Variants in DAAM2 observed in about 807,000 individuals in gnomAD.
The protein encoded by DAAM2 is dishevelled associated activator of morphogenesis 2, also known as disheveled-associated activator of morphogenesis 2.
A neutral mutation model predicts 120.7 loss-of-function variants in DAAM2; 39 were observed. The ratio of observed to expected loss-of-function variants is 0.32; its 90% CI spans 0.25 to 0.42. The LOEUF (loss-of-function observed/expected upper bound fraction) is 0.42, where lower values mean the gene tolerates loss of function less well. DAAM2 is among the 10% of genes least tolerant of loss of function. The pLI, the probability that DAAM2 is intolerant of heterozygous loss-of-function variation, is 1.00. For synonymous variants in DAAM2, 488 were observed against 524.9 expected (o/e 0.93, Z 0.96); for missense variants, 1,283 against 1,401.7 (o/e 0.92, Z 1.35).
chr6:39,870,235 G>A (rs1764601130), intron 7 of DAAM2, 105 bp from the exon 8 acceptor site: 5 of 686,088 alleles, frequency 7.3e-6, no homozygotes. Flanking sequence ...TTAGCTGTGG[G>A]AGATGTGTTG....
intron 1 of DAAM2, among the ~76,000 whole-genome samples, chr6:39,843,439 C>T (rs776694596): frequency 2.0e-5 from 3 of 152,082 alleles, no homozygotes; most frequent in Non-Finnish European, 2.9e-5. Flanking sequence ...CAGTCTTGAC[C>T]ATTCAGGGAC....
Position 39,878,268 on chromosome 6 carries a change from G to C in DAAM2, c.1360+7G>C. The C allele has an allele frequency of 6.2e-7, 1 of 1,613,904 alleles. No individual in the cohort carries two copies. The highest frequency in any genetic ancestry group is 8.5e-7 in the Non-Finnish European group (1 of 1,179,846). ...GCAGAGAAGTTCCGGAAAGGTGAGG[G>C]GCTCTGCTTAAGCCTGCTGTCCACT... On this transcript the variant is annotated splice_region_variant and intron_variant, in intron 12 of 24. Coordinates refer to ENST00000274867, the MANE Select transcript of DAAM2 (RefSeq NM_001201427.2). The surrounding 1 kb of genome is among the most constrained non-coding windows in gnomAD (Gnocchi z 5.0).
Position 39,904,857 on chromosome 6 carries a change from C to A in DAAM2, c.*2820C>A. 2.2e-6 allele frequency: 1 copy of A among 454,076 alleles called. No homozygotes were observed. The highest frequency in any genetic ancestry group is 4.4e-6 in the Non-Finnish European group (1 of 226,790). The allele number at this position is 454,076 out of a possible 1,614,324, so 28.1% of individuals were successfully genotyped here. A position where few individuals can be genotyped will look rare whatever the true frequency, so the allele number is the denominator to read the frequency against. ...AATACTAAAAAATATTAAATTCATA[C>A]CATCCCTACCCAGTCTGCCTTTAAA... On this transcript the variant is annotated 3_prime_UTR_variant, in exon 25 of 25. Coordinates refer to ENST00000274867, the MANE Select transcript of DAAM2 (RefSeq NM_001201427.2).
intron 22 of DAAM2, 171 bp downstream of exon 22, chr6:39,899,108 T>TAA (rs1766312914): frequency 1.6e-6 from 1 of 616,464 alleles, no homozygotes; most frequent in African/African-American, 1.9e-5. Context: ...TTGAGCCTTT[T>TAA]AAAAGGGGTT....
intron 8 of DAAM2, 63 bp downstream of exon 8, chr6:39,870,506 T>A: frequency 9.4e-7 from 1 of 1,060,566 alleles, no homozygotes; most frequent in South Asian, 1.4e-5. Context: ...ATGGGGATAG[T>A]TGGGACCTTT....
chr6:39,864,164 T>C (rs539833020), intron 3 of DAAM2, among the ~76,000 whole-genome samples: 2 of 152,264 alleles, frequency 1.3e-5, no homozygotes, highest in South Asian at 4.1e-4. Context: ...AAAGAATTTT[T>C]AAAAAATGGT....
At chr6:39,894,650 C>T (rs59565451) in intron 19 of DAAM2, among the ~76,000 whole-genome samples, 13,636 of 151,696 alleles carry the variant, frequency 0.09, 1,254 homozygotes, top group East Asian at 0.25. Context: ...AGACAGGGTC[C>T]TGCCCTGTCA....
intron 1 of DAAM2, among the ~76,000 whole-genome samples, chr6:39,814,208 C>G (rs1261324432): frequency 6.8e-6 from 1 of 146,046 alleles, no homozygotes; most frequent in Non-Finnish European, 1.5e-5. Context: ...TTTTCTCGCT[C>G]ATCAGCTATC....
intron 19 of DAAM2, 95 bp from the exon 20 acceptor site, chr6:39,896,717 T>G: frequency 8.7e-7 from 1 of 1,146,616 alleles, no homozygotes; most frequent in Non-Finnish European, 1.2e-6. Context: ...GACAGCCCCT[T>G]TTCTGAACTT....
intron 8 of DAAM2, 23 bp from the exon 9 acceptor site, chr6:39,871,483 C>G (rs2149315778): frequency 1.3e-6 from 2 of 1,547,754 alleles, no homozygotes; most frequent in Non-Finnish European, 8.7e-7. Flanking sequence ...TGTCTACTCT[C>G]TCTGTCTCCC....
At position 39,809,103 on chromosome 6, in the gene DAAM2, C is replaced by G. The variant is rs114381112; in HGVS notation, c.-57+16638C>G. Among the ~76,000 whole-genome samples the G allele has an allele frequency of 7.8e-3, 1,193 of 152,268 alleles. 18 individuals are homozygous for G. Among genetic ancestry groups the G allele is most frequent in the African/African-American group, 0.027 (1,133 of 41,542 alleles). ...TGACGCACTCAGGAAGGAGCAGCAC[C>G]AGGAAGCCGTTAGTGCTTCTCCACC... On this transcript the variant is annotated intron_variant, in intron 1 of 24. Coordinates refer to ENST00000274867, the MANE Select transcript of DAAM2 (RefSeq NM_001201427.2).
chr6:39,870,583 G>A (rs557124617), intron 8 of DAAM2, 140 bp downstream of exon 8: 17 of 647,828 alleles, frequency 2.6e-5, no homozygotes, highest in African/African-American at 1.3e-4. Flanking sequence ...TCAGCTCTGT[G>A]GGGGGAAGGG....
chr6:39,887,219 T>TA (rs925731467), intron 15 of DAAM2: 15 of 379,296 alleles, frequency 4.0e-5, no homozygotes, highest in Admixed American at 1.7e-4. Context: ...GGATAATTTC[T>TA]AAAAAAAATC....
chr6:39,893,068 G>A (rs1002361675), intron 19 of DAAM2, among the ~76,000 whole-genome samples: 7 of 152,212 alleles, frequency 4.6e-5, no homozygotes, highest in Non-Finnish European at 1.0e-4. Flanking sequence ...CACAAGTAAG[G>A]GGTTCAGCCC....
intron 1 of DAAM2, among the ~76,000 whole-genome samples, chr6:39,792,740 A>C (rs1761584388): frequency 6.6e-6 from 1 of 152,176 alleles, no homozygotes; most frequent in Admixed American, 6.5e-5. Flanking sequence ...TGGACATAGG[A>C]AATGTCTTTG....
intron 8 of DAAM2, among the ~76,000 whole-genome samples, chr6:39,871,028 GT>G (rs1764639296): frequency 6.6e-6 from 1 of 152,192 alleles, no homozygotes; most frequent in African/African-American, 2.4e-5. Flanking sequence ...GGAGAGATTA[GT>G]TTTGAGGGTT....
Position 39,888,776 on chromosome 6 carries a change from G to A in DAAM2, c.2145+13G>A, listed in dbSNP as rs376788027. Reference sequence around the variant, plus strand: ...CATGCTGGAGCAGGTGAGGACCCTCGTGGGAAGGAAGGGGAACTGAACCCA... The same window carrying A: ...CATGCTGGAGCAGGTGAGGACCCTCATGGGAAGGAAGGGGAACTGAACCCA... On this transcript the variant is annotated intron_variant, in intron 17 of 24. Transcript: ENST00000274867. 51 of 1,607,748 alleles carry A rather than the reference G, an allele frequency of 3.2e-5. No homozygotes were observed. The South Asian group carries it at 3.4e-4, about 11-fold the overall frequency.
rs1410682732 is a variant in DAAM2, at chr6:39,887,583, T to C, written c.2051T>C (p.Leu684Pro). 6.2e-7 allele frequency: 1 copy of C among 1,612,262 alleles called. No homozygotes were observed. The highest frequency in any genetic ancestry group is 1.7e-5 in the Admixed American group (1 of 59,976). ...CGGAGGGCCCAAAACTGCATCATCC[T>C]TCTTTCCAAGTATGTGCAAAAGAAG... Reference protein sequence around the residue: ...DGRRAQNCIILLSKLKLSNEE... With the variant: ...DGRRAQNCIIPLSKLKLSNEE... Residue 684 changes from leucine (L) to proline (P), a missense_variant, in exon 16 of 25, where the codon CTT becomes CCT. Around this residue, in one of 3 missense-constraint regions of DAAM2, gnomAD observed 748 missense variants for 768.6 expected, o/e 0.97. Transcript: ENST00000274867.
intron 1 of DAAM2, among the ~76,000 whole-genome samples, chr6:39,852,032 T>C (rs1032717806): frequency 3.9e-5 from 6 of 152,182 alleles, no homozygotes; most frequent in Non-Finnish European, 8.8e-5. Flanking sequence ...AGTTGGTCTG[T>C]GCTTGGGGAC....
Sources: allele counts gnomAD v4.1 joint callset (sites outside exome capture counted in the v4.1 genomes callset), GRCh38; gene constraint gnomAD v4.1.1; regional missense constraint gnomAD v4.1.1; non-coding constraint Gnocchi (gnomAD v3.1); transcripts MANE v1.5; gene names NCBI Gene and HGNC (gene_info 2026-07-23, HGNC 2026-07-21).